Variants in GRK5 observed in about 807,000 individuals in gnomAD.
GRK5 encodes the protein G protein-coupled receptor kinase 5, also known as g protein-coupled receptor kinase GRK5.
In GRK5, 40 loss-of-function variants were observed where a neutral mutation model predicts 78.4. The ratio of observed to expected loss-of-function variants is 0.51; its 90% CI spans 0.40 to 0.66. GRK5 has a LOEUF of 0.66. Ranked by LOEUF, GRK5 falls within the 30% of genes least tolerant of loss-of-function variation. The probability of loss-of-function intolerance (pLI) is 0.00; values close to 1 mark genes in which losing one functional copy is unlikely to be tolerated. For synonymous variants in GRK5, 289 were observed against 296.8 expected (o/e 0.97, Z 0.27); for missense variants, 598 against 759.9 (o/e 0.79, Z 2.50).
At chr10:119,241,104 A>C (rs568229941) in intron 1 of GRK5, among the ~76,000 whole-genome samples, 63 of 152,274 alleles carry the variant, frequency 4.1e-4, no homozygotes, top group African/African-American at 1.4e-3. Context: ...TCCGTGTTCT[A>C]GTCCCTTGTT....
intron 1 of GRK5, among the ~76,000 whole-genome samples, chr10:119,313,043 GGTGGTGGT>G (rs1850399894): frequency 2.1e-4 from 3 of 14,520 alleles, no homozygotes; most frequent in Non-Finnish European, 4.5e-4. Context: ...TGGTGATGGT[GGTGGTGGT>G]AATGATGATG....
At chr10:119,394,275 C>CTGCGTGTGTGGGTGTCTCTGT in intron 3 of GRK5, among the ~76,000 whole-genome samples, 1 of 19,160 alleles carries the variant, frequency 5.2e-5, no homozygotes, top group African/African-American at 2.3e-4. Flanking sequence ...TGTGTGTGGG[C>CTGCGTGTGTGGGTGTCTCTGT]GTGTGTGTGG....
Position 119,455,184 on chromosome 10 carries a change from G to T in GRK5, c.*117G>T. ...GCCAGGGGAGACCCCGGGAGCCGGG[G>T]AAGGAGGCCGTCCATCCCGTCGACG... On this transcript the variant is annotated 3_prime_UTR_variant, in exon 16 of 16. Coordinates refer to ENST00000392870, the MANE Select transcript of GRK5 (RefSeq NM_005308.3). The T allele has an allele frequency of 1.2e-6, 1 of 827,138 alleles. No homozygotes were observed. Among genetic ancestry groups the T allele is most frequent in the South Asian group, 1.4e-5 (1 of 72,928 alleles). The allele number at this position is 827,138 out of a possible 1,614,324, so 51.2% of individuals were successfully genotyped here. A position where few individuals can be genotyped will look rare whatever the true frequency, so the allele number is the denominator to read the frequency against.
intron 4 of GRK5, 65 bp downstream of exon 4, chr10:119,396,837 T>G: frequency 4.0e-6 from 5 of 1,254,186 alleles, no homozygotes; most frequent in Non-Finnish European, 5.8e-6. Context: ...TAGGAGCCCC[T>G]AAGTCTGTGC....
At chr10:119,434,278 C>T (rs949302612) in intron 8 of GRK5, among the ~76,000 whole-genome samples, 4 of 152,196 alleles carry the variant, frequency 2.6e-5, no homozygotes, top group Admixed American at 1.3e-4. Flanking sequence ...ATCATGCCTT[C>T]CCAACAGTCC....
chr10:119,429,517 C>T (rs538644912), intron 6 of GRK5, among the ~76,000 whole-genome samples: 4 of 150,422 alleles, frequency 2.7e-5, no homozygotes, highest in African/African-American at 7.4e-5. Context: ...CCCTCTGCAC[C>T]GTGATGTCCT....
intron 8 of GRK5, among the ~76,000 whole-genome samples, chr10:119,435,807 C>T (rs1203341235): frequency 1.3e-5 from 2 of 152,108 alleles, no homozygotes; most frequent in African/African-American, 2.4e-5. Context: ...TCTATTAGTC[C>T]GTTTTCACAC....
intron 1 of GRK5, among the ~76,000 whole-genome samples, chr10:119,265,824 T>C (rs1406480066): frequency 2.6e-5 from 4 of 152,220 alleles, no homozygotes; most frequent in Admixed American, 6.5e-5. Flanking sequence ...CCAGAACCAC[T>C]GGCCACACGC....
chr10:119,406,988 T>C (rs895740122), intron 4 of GRK5, among the ~76,000 whole-genome samples: 2 of 152,198 alleles, frequency 1.3e-5, no homozygotes, highest in Non-Finnish European at 2.9e-5. Context: ...TAACAAGAAG[T>C]GGAGGCTCAC....
Position 119,400,093 on chromosome 10 carries a change from C to T in GRK5, c.339+3321C>T, listed in dbSNP as rs568732771. Among the ~76,000 whole-genome samples the T allele has an allele frequency of 3.3e-5, 5 of 152,362 alleles. No homozygotes were observed. In the South Asian group the frequency reaches 6.2e-4, roughly 19 times the overall value. On this transcript the variant is annotated intron_variant, in intron 4 of 15. Coordinates refer to ENST00000392870, the MANE Select transcript of GRK5 (RefSeq NM_005308.3). ...GCCTCTTCTGCCTCTTGTCAGAGTC[C>T]GTTGGCCTCACCTGGGTGGTCTCTG...
chr10:119,267,549 A>G lies in GRK5; in HGVS notation c.53-58967A>G, dbSNP rs1204106052. On this transcript the variant is annotated intron_variant, in intron 1 of 15. Transcript: ENST00000392870. This position sits in a 1 kb window ranked among gnomAD's most constrained non-coding sequence, Gnocchi z 4.1. Reference sequence around the variant, plus strand: ...TGGGTTGGGCAGCCCTCTCCACAGGATGGCAAGGGGCTGGAGGCTCAGCGG... The same window carrying G: ...TGGGTTGGGCAGCCCTCTCCACAGGGTGGCAAGGGGCTGGAGGCTCAGCGG... 6.6e-6 allele frequency among the ~76,000 whole-genome samples: 1 copy of G among 152,162 alleles called. No homozygotes were observed. Among genetic ancestry groups the G allele is most frequent in the Non-Finnish European group, 1.5e-5 (1 of 68,016 alleles).
intron 2 of GRK5, among the ~76,000 whole-genome samples, chr10:119,344,816 TC>T (rs1851051216): frequency 2.0e-5 from 3 of 151,580 alleles, no homozygotes. Flanking sequence ...AGAGGGAGCT[TC>T]CCACCCCTGG....
intron 1 of GRK5, among the ~76,000 whole-genome samples, chr10:119,301,947 T>A (rs1016297346): frequency 6.6e-6 from 1 of 152,180 alleles, no homozygotes; most frequent in Non-Finnish European, 1.5e-5. Flanking sequence ...TCTTTCTGCT[T>A]TTGTAGTGCC....
chr10:119,313,901 C>G (rs925995109), intron 1 of GRK5, among the ~76,000 whole-genome samples: 27 of 152,182 alleles, frequency 1.8e-4, no homozygotes, highest in African/African-American at 6.3e-4. Flanking sequence ...TTGGAAACCC[C>G]AACTGTGTTG....
In GRK5 at chr10:119,325,665, G is replaced by A. The variant is rs1398841574; in HGVS notation, c.53-851G>A. ...GGCACAGCAGTGCCTTCAGGTCCAA[G>A]GCCCAGATGCTGGTGGGCTCAGGGA... On this transcript the variant is annotated intron_variant, in intron 1 of 15. Coordinates refer to ENST00000392870, the MANE Select transcript of GRK5 (RefSeq NM_005308.3). Among the ~76,000 whole-genome samples, 5 of 152,264 alleles carry A rather than the reference G, an allele frequency of 3.3e-5. No homozygotes were observed. In the East Asian group the frequency reaches 9.7e-4, roughly 29 times the overall value.
intron 4 of GRK5, among the ~76,000 whole-genome samples, chr10:119,404,431 ACTT>A: frequency 6.6e-6 from 1 of 152,284 alleles, no homozygotes; most frequent in East Asian, 1.9e-4. Flanking sequence ...TCAGTATATG[ACTT>A]ACACATATTT....
intron 1 of GRK5, among the ~76,000 whole-genome samples, chr10:119,261,885 T>C (rs1205402596): frequency 6.6e-6 from 1 of 151,444 alleles, no homozygotes; most frequent in Non-Finnish European, 1.5e-5. Context: ...AGAGGGAGAC[T>C]GTGGAAAGAG....
At chr10:119,330,903 C>A (rs1448411122) in intron 2 of GRK5, among the ~76,000 whole-genome samples, 2 of 152,178 alleles carry the variant, frequency 1.3e-5, no homozygotes, top group Non-Finnish European at 2.9e-5. Context: ...TGCCTGTAAT[C>A]CCAGCTACTC....
chr10:119,265,069 G>T (rs568734543), intron 1 of GRK5, among the ~76,000 whole-genome samples: 51 of 152,236 alleles, frequency 3.4e-4, no homozygotes, highest in African/African-American at 1.2e-3. Context: ...AACCTGTATT[G>T]CCAGGAACCC....
Sources: gnomAD v4.1 joint callset for allele counts (sites outside exome capture counted in the v4.1 genomes callset) on GRCh38, gnomAD v4.1.1 for gene constraint, Gnocchi (gnomAD v3.1) non-coding constraint, MANE v1.5 for transcripts, NCBI Gene and HGNC (gene_info 2026-07-23, HGNC 2026-07-21) for gene names.